Variants in PARD3 observed in about 807,000 individuals in gnomAD.
PARD3 encodes partitioning defective 3 homolog.
Under a neutral mutation model 155.4 loss-of-function variants are expected in PARD3, and 75 were observed. The ratio of observed to expected loss-of-function variants is 0.48; its 90% CI spans 0.40 to 0.58. The LOEUF is 0.58. PARD3 is among the 20% of genes least tolerant of loss of function. The pLI, the probability that PARD3 is intolerant of heterozygous loss-of-function variation, is 0.00. For missense variants in PARD3, 1,642 were observed against 1,721.7 expected, an observed-to-expected ratio of 0.95 and a Z score of 0.82; for synonymous variants, 576 against 610.5, an observed-to-expected ratio of 0.94 and a Z score of 0.83.
chr10:34,606,785 T>G (rs576538122), intron 2 of PARD3, among the ~76,000 whole-genome samples: 3 of 151,182 alleles, frequency 2.0e-5, no homozygotes, highest in Non-Finnish European at 4.4e-5. Context: ...CTGCCAACAT[T>G]GTGAAACCCC....
chr10:34,751,757 C>T (rs1288069088), intron 1 of PARD3, among the ~76,000 whole-genome samples: 1 of 150,952 alleles, frequency 6.6e-6, no homozygotes, highest in Non-Finnish European at 1.5e-5. Flanking sequence ...GTGTATGTCA[C>T]CATGCCTGTC....
intron 2 of PARD3, among the ~76,000 whole-genome samples, chr10:34,543,900 A>C (rs1418491068): frequency 2.6e-5 from 4 of 152,174 alleles, no homozygotes; most frequent in African/African-American, 9.7e-5. Flanking sequence ...GCACTAAATT[A>C]AGTATGTCAA....
chr10:34,318,007 G>A (rs533443928), intron 19 of PARD3, among the ~76,000 whole-genome samples: 8 of 152,210 alleles, frequency 5.3e-5, no homozygotes, highest in Non-Finnish European at 7.4e-5. Flanking sequence ...GCATCATGGC[G>A]GCTGAACAGA....
intron 2 of PARD3, among the ~76,000 whole-genome samples, chr10:34,597,226 T>G (rs1464861361): frequency 1.3e-5 from 2 of 152,106 alleles, no homozygotes; most frequent in African/African-American, 4.8e-5. Context: ...TCAGAGCACC[T>G]GACCTACAAG....
intron 22 of PARD3, among the ~76,000 whole-genome samples, chr10:34,208,685 G>A (rs912552827): frequency 2.1e-4 from 32 of 152,122 alleles, no homozygotes; most frequent in East Asian, 3.9e-4. Context: ...CAGGGTGAGC[G>A]TTCAGGAAAC....
At chr10:34,208,659 C>T (rs951627392) in intron 22 of PARD3, among the ~76,000 whole-genome samples, 1 of 152,138 alleles carries the variant, frequency 6.6e-6, no homozygotes. Flanking sequence ...CCAACGGTCC[C>T]CTAGAACTGC....
rs558821881 is a variant in PARD3 at position 34,131,515 on chromosome 10, T to C, written c.3488A>G (p.Gln1163Arg). ...CCGACGATCTTCTACATCTTCATCT[T>C]GCTTTGCTTGCTGAAATTCTTGCCT... is the stretch of plus-strand genomic sequence containing the variant. ...RLRQEFQQAKQDEDVEDRRRT... is the reference protein window; with the variant it reads ...RLRQEFQQAKRDEDVEDRRRT... Residue 1163 changes from glutamine to arginine, a missense_variant, in exon 23 of 25, where the codon CAA (glutamine) becomes CGA (arginine). Around this residue, in one of 3 missense-constraint regions of PARD3, gnomAD observed 1,529 missense variants for 1,587.3 expected, o/e 0.96. Transcript: ENST00000374788. The C allele has an allele frequency of 1.2e-6, 2 of 1,614,018 alleles. No individual in the cohort carries two copies. The highest frequency in any genetic ancestry group is 4.5e-5 in the East Asian group (2 of 44,872).
chr10:34,768,173 CAATTTAGGAAGTTTATTTTGTCA>C (rs1471734277), intron 1 of PARD3, among the ~76,000 whole-genome samples: 15 of 152,060 alleles, frequency 9.9e-5, no homozygotes, highest in Non-Finnish European at 2.2e-4. Flanking sequence ...AGATCTCGGT[CAATTTAGGAAGTTTATTTTGTCA>C]AAGTTAAGGA....
chr10:34,699,053 T>C (rs2094226233), intron 1 of PARD3, among the ~76,000 whole-genome samples: 1 of 152,160 alleles, frequency 6.6e-6, no homozygotes, highest in Non-Finnish European at 1.5e-5. Context: ...TTACCCTCTC[T>C]TTGAAATACT....
At chr10:34,165,488 A>G (rs1230634689) in intron 22 of PARD3, among the ~76,000 whole-genome samples, 1 of 152,200 alleles carries the variant, frequency 6.6e-6, no homozygotes, top group Non-Finnish European at 1.5e-5. Flanking sequence ...GCAAGGTGCC[A>G]CTGGGAGACA....
chr10:34,238,646 A>G (rs1953386760), intron 22 of PARD3, among the ~76,000 whole-genome samples: 1 of 152,214 alleles, frequency 6.6e-6, no homozygotes, highest in African/African-American at 2.4e-5. Flanking sequence ...TTTTTAAAAA[A>G]CCATGCAGTG....
intron 4 of PARD3, among the ~76,000 whole-genome samples, chr10:34,452,756 C>T (rs958262903): frequency 2.0e-5 from 3 of 152,194 alleles, no homozygotes; most frequent in African/African-American, 7.2e-5. Flanking sequence ...AAACTGTTTC[C>T]TGAATTCATG....
At chr10:34,638,920 T>A (rs1263207459) in intron 2 of PARD3, among the ~76,000 whole-genome samples, 1 of 152,214 alleles carries the variant, frequency 6.6e-6, no homozygotes, top group Non-Finnish European at 1.5e-5. Context: ...TAAAATTAAG[T>A]TCTTTCACAA....
At chr10:34,591,021 G>T (rs1433941650) in intron 2 of PARD3, among the ~76,000 whole-genome samples, 1 of 152,052 alleles carries the variant, frequency 6.6e-6, no homozygotes, top group Non-Finnish European at 1.5e-5. Context: ...GTCTGCAATG[G>T]CAGGACTACC....
At chr10:34,279,104 C>A (rs1765174) in intron 21 of PARD3, among the ~76,000 whole-genome samples, 2 of 147,796 alleles carry the variant, frequency 1.4e-5, no homozygotes, top group Non-Finnish European at 3.0e-5. Context: ...GTATGCCTAA[C>A]GCTTAATTTT....
At chr10:34,341,923 A>G in intron 15 of PARD3, 107 bp from the exon 16 acceptor site, 1 of 650,844 alleles carries the variant, frequency 1.5e-6, no homozygotes, top group East Asian at 2.7e-5. Flanking sequence ...TTTTCCACAT[A>G]TCTGCTCAAC....
At chr10:34,758,720 GA>G (rs754301599) in intron 1 of PARD3, among the ~76,000 whole-genome samples, 9 of 152,136 alleles carry the variant, frequency 5.9e-5, no homozygotes, top group Non-Finnish European at 1.2e-4. Flanking sequence ...ATTCACAGAA[GA>G]AAAAAATTCC....
intron 1 of PARD3, among the ~76,000 whole-genome samples, chr10:34,730,062 C>T (rs2094789920): frequency 6.6e-6 from 1 of 151,956 alleles, no homozygotes; most frequent in African/African-American, 2.4e-5. Context: ...TCTTAAAATG[C>T]TCAATAAAAT....
intron 2 of PARD3, among the ~76,000 whole-genome samples, chr10:34,605,609 C>CTATATA (rs1179960762): frequency 9.2e-5 from 2 of 21,812 alleles, no homozygotes; most frequent in South Asian, 1.1e-3. Context: ...TATATATCTC[C>CTATATA]TATATATATA....
Sources: allele counts gnomAD v4.1 joint callset (sites outside exome capture counted in the v4.1 genomes callset), GRCh38; gene constraint gnomAD v4.1.1; regional missense constraint gnomAD v4.1.1; transcripts MANE v1.5; gene names NCBI Gene and HGNC (gene_info 2026-07-23, HGNC 2026-07-21).